The following ZFAND6 variants were observed in gnomAD, a reference collection of about 807,000 sequenced individuals.
The protein encoded by ZFAND6 is AN1-type zinc finger protein 6.
A neutral mutation model predicts 24.5 loss-of-function variants in ZFAND6; 12 were observed. The observed-to-expected ratio is 0.49, with a 90% CI of 0.31 to 0.79. The LOEUF is 0.79. Ranked by LOEUF, ZFAND6 falls within the 30% of genes least tolerant of loss-of-function variation. The pLI is 0.04. For missense variants in ZFAND6, 207 were observed against 245.9 expected (o/e 0.84, Z 1.06); for synonymous variants, 92 against 81.5 (o/e 1.13, Z -0.69).
At chr15:80,070,246 A>G (rs1244487017) in intron 1 of ZFAND6, among the ~76,000 whole-genome samples, 1 of 152,142 alleles carries the variant, frequency 6.6e-6, no homozygotes, top group Non-Finnish European at 1.5e-5. Flanking sequence ...GTTCTCTTCT[A>G]AATTGTTTTT....
intron 1 of ZFAND6, among the ~76,000 whole-genome samples, chr15:80,087,880 A>G (rs1238555164): frequency 6.6e-6 from 1 of 152,182 alleles, no homozygotes; most frequent in African/African-American, 2.4e-5. Flanking sequence ...TAAAAATTAA[A>G]TTAGTATGCA....
chr15:80,105,166 AG>A (rs1359064398), intron 2 of ZFAND6, among the ~76,000 whole-genome samples: 1 of 152,220 alleles, frequency 6.6e-6, no homozygotes, highest in Non-Finnish European at 1.5e-5. Context: ...CTTCCTTTAC[AG>A]TTATAAATAT....
At chr15:80,134,305 A>G (rs770341237) in intron 6 of ZFAND6, among the ~76,000 whole-genome samples, 2 of 152,078 alleles carry the variant, frequency 1.3e-5, no homozygotes, top group Non-Finnish European at 2.9e-5. Flanking sequence ...TTGTTTTGAT[A>G]TTGGACAATG....
chr15:80,094,610 C>T (rs1416448502), intron 1 of ZFAND6, among the ~76,000 whole-genome samples: 1 of 152,008 alleles, frequency 6.6e-6, no homozygotes, highest in Admixed American at 6.6e-5. Context: ...TTTTCTGAAT[C>T]TTTTGGGATT....
intron 2 of ZFAND6, among the ~76,000 whole-genome samples, chr15:80,099,981 G>A (rs2038949520): frequency 6.6e-6 from 1 of 152,134 alleles, no homozygotes; most frequent in South Asian, 2.1e-4. Flanking sequence ...GACACATGTT[G>A]CTGCATTCAA....
At chr15:80,136,619 AT>A (rs1490296128) in intron 6 of ZFAND6, among the ~76,000 whole-genome samples, 2 of 152,208 alleles carry the variant, frequency 1.3e-5, no homozygotes, top group African/African-American at 4.8e-5. Context: ...AGTTACAAAT[AT>A]GTCTTTGAAG....
chr15:80,089,748 A>T (rs903691907), intron 1 of ZFAND6, among the ~76,000 whole-genome samples: 1 of 152,088 alleles, frequency 6.6e-6, no homozygotes, highest in East Asian at 1.9e-4. Context: ...GTTTTAGCCT[A>T]CTTGAGCCCT....
intron 1 of ZFAND6, among the ~76,000 whole-genome samples, chr15:80,077,948 C>T (rs985397640): frequency 6.6e-6 from 1 of 152,116 alleles, no homozygotes; most frequent in African/African-American, 2.4e-5. Context: ...ATCCACCCGC[C>T]TCGGCCTCCC....
At chr15:80,116,091 T>G (rs1021545914) in intron 2 of ZFAND6, among the ~76,000 whole-genome samples, 1 of 150,636 alleles carries the variant, frequency 6.6e-6, no homozygotes, top group Non-Finnish European at 1.5e-5. Context: ...CTTTTTAGGT[T>G]TTTTTTTTGT....
intron 1 of ZFAND6, among the ~76,000 whole-genome samples, chr15:80,078,861 CT>C (rs563085193): frequency 0.012 from 1,714 of 144,254 alleles, 12 homozygotes; most frequent in Middle Eastern, 0.018. Flanking sequence ...TTTATGTCTT[CT>C]TTTTTTTTTC....
chr15:80,065,285 C>T (rs1034032436), intron 1 of ZFAND6, among the ~76,000 whole-genome samples: 1 of 151,040 alleles, frequency 6.6e-6, no homozygotes. Context: ...AACTTGTTGC[C>T]TTGAAATAAA....
intron 1 of ZFAND6, among the ~76,000 whole-genome samples, chr15:80,084,641 C>G (rs2037883970): frequency 6.6e-6 from 1 of 152,178 alleles, no homozygotes; most frequent in African/African-American, 2.4e-5. Context: ...TCCTTGAAAA[C>G]AATACTAAGT....
chr15:80,074,534 C>G (rs556672794), intron 1 of ZFAND6, among the ~76,000 whole-genome samples: 1 of 151,732 alleles, frequency 6.6e-6, no homozygotes, highest in Admixed American at 6.6e-5. Context: ...TATGAATAAC[C>G]TTTGTCATTA....
At chr15:80,129,353 TTTAC>T (rs2040500217) in intron 5 of ZFAND6, among the ~76,000 whole-genome samples, 1 of 152,260 alleles carries the variant, frequency 6.6e-6, no homozygotes, top group Admixed American at 6.5e-5. Flanking sequence ...TTAGCACATA[TTTAC>T]TTGTTTGTGG....
intron 1 of ZFAND6, among the ~76,000 whole-genome samples, chr15:80,076,228 T>C (rs1319087832): frequency 2.0e-5 from 3 of 152,296 alleles, no homozygotes; most frequent in African/African-American, 7.2e-5. Context: ...TTTTTGTACC[T>C]GAGACCCATA....
intron 1 of ZFAND6, among the ~76,000 whole-genome samples, chr15:80,075,716 T>C (rs1183967743): frequency 6.6e-6 from 1 of 152,116 alleles, no homozygotes; most frequent in Non-Finnish European, 1.5e-5. Context: ...CCATTTTTGT[T>C]TAAACCTATT....
chr15:80,111,520 A>G (rs763047963), intron 2 of ZFAND6: 74 of 456,068 alleles, frequency 1.6e-4, no homozygotes, highest in South Asian at 8.5e-4. Flanking sequence ...GAAGTTTTCT[A>G]GAATCTATCT....
chr15:80,078,825 A>AT (rs923089109), intron 1 of ZFAND6, among the ~76,000 whole-genome samples: 1 of 145,234 alleles, frequency 6.9e-6, no homozygotes, highest in Non-Finnish European at 1.5e-5. Context: ...AATGTTGAGC[A>AT]TTTTTTCATG....
At chr15:80,106,673 A>G (rs935201170) in intron 2 of ZFAND6, among the ~76,000 whole-genome samples, 3 of 151,664 alleles carry the variant, frequency 2.0e-5, no homozygotes, top group African/African-American at 7.3e-5. Context: ...TTCATGTTGA[A>G]GGACAGTGTT....
Sources: allele counts gnomAD v4.1 joint callset (sites outside exome capture counted in the v4.1 genomes callset), GRCh38; gene constraint gnomAD v4.1.1; transcripts MANE v1.5; gene names NCBI Gene and HGNC (gene_info 2026-07-23, HGNC 2026-07-21).